Variants in UBXN7 observed in about 807,000 individuals in gnomAD.
UBXN7 encodes UBX domain-containing protein 7.
UBXN7 carries 9 observed loss-of-function variants against 58.0 expected under a neutral mutation model. That is an observed-to-expected ratio of 0.16 (90% CI 0.09 to 0.27). The LOEUF (loss-of-function observed/expected upper bound fraction) is 0.27, where lower values mean the gene tolerates loss of function less well. Ranked by LOEUF, UBXN7 falls within the 10% of genes least tolerant of loss-of-function variation. The probability of loss-of-function intolerance (pLI) is 1.00; values close to 1 mark genes in which losing one functional copy is unlikely to be tolerated. For synonymous variants in UBXN7, 208 were observed against 205.0 expected (o/e 1.01, Z -0.12); for missense variants, 328 against 599.6 (o/e 0.55, Z 4.73).
intron 5 of UBXN7, among the ~76,000 whole-genome samples, chr3:196,387,136 C>G (rs1729430554): frequency 1.3e-5 from 2 of 152,158 alleles, no homozygotes; most frequent in Admixed American, 1.3e-4. Context: ...TAACACCACA[C>G]ATCTACAACC....
In UBXN7 at chr3:196,352,978, T is replaced by A. The variant is rs1486706447; in HGVS notation, c.*3707A>T. The A allele has an allele frequency of 6.6e-6, 1 of 152,236 alleles. No homozygotes were observed. Among genetic ancestry groups the A allele is most frequent in the Non-Finnish European group, 1.5e-5 (1 of 68,030 alleles). 9.4% of individuals were successfully genotyped at this position (152,236 alleles called of 1,614,324 possible). On this transcript the variant is annotated 3_prime_UTR_variant, in exon 11 of 11. Coordinates refer to ENST00000296328, the MANE Select transcript of UBXN7 (RefSeq NM_015562.2). This position sits in a 1 kb window ranked among gnomAD's most constrained non-coding sequence, Gnocchi z 4.1. ...AAATAATGCCACGTGGCAATTTTAC[T>A]TTCACATCTTCACCAGTGCATCATT...
At chr3:196,370,389 C>G (rs1390838595) in intron 6 of UBXN7, among the ~76,000 whole-genome samples, 1 of 150,280 alleles carries the variant, frequency 6.7e-6, no homozygotes, top group Non-Finnish European at 1.5e-5. Context: ...GGGGTTAGAG[C>G]CTGCAGTGAG....
chr3:196,417,095 C>CCT (rs1730512374), intron 1 of UBXN7, among the ~76,000 whole-genome samples: 1 of 152,144 alleles, frequency 6.6e-6, no homozygotes, highest in Non-Finnish European at 1.5e-5. Context: ...GGGCGGATCA[C>CCT]AAGGTCAGGA....
At chr3:196,407,699 G>T (rs536068799) in intron 1 of UBXN7, among the ~76,000 whole-genome samples, 1 of 151,922 alleles carries the variant, frequency 6.6e-6, no homozygotes, top group Non-Finnish European at 1.5e-5. Context: ...ATATATTTGG[G>T]AATAAGCTGA....
At chr3:196,401,304 C>T (rs1173542183) in intron 3 of UBXN7, among the ~76,000 whole-genome samples, 63 of 95,852 alleles carry the variant, frequency 6.6e-4, no homozygotes, top group East Asian at 5.7e-3. Context: ...TATATACACA[C>T]ACACACACAC....
intron 1 of UBXN7, among the ~76,000 whole-genome samples, chr3:196,418,652 TAGGG>T (rs1254026117): frequency 1.3e-5 from 2 of 152,160 alleles, no homozygotes; most frequent in Non-Finnish European, 2.9e-5. Flanking sequence ...TGAGAGGTGA[TAGGG>T]AGGCAGTAGA....
chr3:196,365,850 A>T (rs1423003644), intron 8 of UBXN7, among the ~76,000 whole-genome samples: 2 of 152,198 alleles, frequency 1.3e-5, no homozygotes, highest in Non-Finnish European at 2.9e-5. Flanking sequence ...TCCACCAAAA[A>T]AAAACTCTAG....
rs147560045 is a variant in UBXN7 at position 196,415,653 on chromosome 3, G to A, written c.74-8260C>T. 3.4e-3 allele frequency among the ~76,000 whole-genome samples: 513 copies of A among 151,728 alleles called. 2 individuals are homozygous for A. The highest frequency in any genetic ancestry group is 0.012 in the African/African-American group (497 of 41,418). ...AAAAATTAGCTGGGCATGGTGGCGC[G>A]TGCCTGTAATCCCAACTACTCGGGA... is the stretch of plus-strand genomic sequence containing the variant. On this transcript the variant is annotated intron_variant, in intron 1 of 10. Transcript: ENST00000296328.
intron 2 of UBXN7, among the ~76,000 whole-genome samples, chr3:196,403,243 C>T (rs2108852861): frequency 6.6e-6 from 1 of 152,230 alleles, no homozygotes; most frequent in South Asian, 2.1e-4. Flanking sequence ...CTGCAACCTC[C>T]ACCTCCCGAG....
intron 2 of UBXN7, among the ~76,000 whole-genome samples, chr3:196,403,579 C>T (rs1278230106): frequency 6.6e-6 from 1 of 152,018 alleles, no homozygotes; most frequent in Non-Finnish European, 1.5e-5. Flanking sequence ...AAGTTTCCTA[C>T]CTTAAATTCT....
intron 5 of UBXN7, among the ~76,000 whole-genome samples, chr3:196,376,566 A>G (rs1729033082): frequency 6.7e-6 from 1 of 149,732 alleles, no homozygotes; most frequent in Non-Finnish European, 1.5e-5. Flanking sequence ...AAAAAAAAAA[A>G]AAGAAAAGAA....
intron 2 of UBXN7, among the ~76,000 whole-genome samples, chr3:196,404,261 G>GTTTTT (rs869218456): frequency 7.7e-6 from 1 of 129,388 alleles, no homozygotes; most frequent in Non-Finnish European, 1.6e-5. Flanking sequence ...AGCCCTAATG[G>GTTTTT]TTTTTTTTTT....
chr3:196,417,547 T>G (rs1289358136), intron 1 of UBXN7, among the ~76,000 whole-genome samples: 3 of 151,950 alleles, frequency 2.0e-5, no homozygotes, highest in Admixed American at 2.0e-4. Context: ...CTAATTTCTC[T>G]AGGCATCAGT....
At chr3:196,390,468 G>A (rs945102342) in intron 5 of UBXN7, among the ~76,000 whole-genome samples, 9 of 152,100 alleles carry the variant, frequency 5.9e-5, no homozygotes, top group Non-Finnish European at 1.0e-4. Context: ...AAGGCTGGGC[G>A]CGGTGGCTCA....
intron 5 of UBXN7, among the ~76,000 whole-genome samples, chr3:196,381,047 C>G (rs1311622511): frequency 6.6e-6 from 1 of 152,252 alleles, no homozygotes. Context: ...CCTCTGTGGG[C>G]AGGGCATAGC....
chr3:196,386,181 T>C (rs1306723215), intron 5 of UBXN7, among the ~76,000 whole-genome samples: 3 of 151,710 alleles, frequency 2.0e-5, no homozygotes, highest in Admixed American at 6.6e-5. Flanking sequence ...GAAGGCAGCA[T>C]ACTCGTTAAG....
Position 196,362,415 on chromosome 3 carries a change from T to C in UBXN7, c.1107A>G (p.Pro369=). The change falls in exon 9 of 11, where the codon CCA becomes CCG. Residue 369 remains proline, a synonymous_variant. Coordinates refer to ENST00000296328, the MANE Select transcript of UBXN7 (RefSeq NM_015562.2). The stretch of plus-strand genomic sequence containing the variant: ...CTGTTCCAGGATCAGTTCTGACTGG[T>C]GGCTCAGTCAGCGGCCTTCTATTCT... The part of the protein sequence containing the change: ...KEENRRPLTE[P]PVRTDPGTAT... 6.2e-7 allele frequency: 1 copy of C among 1,614,206 alleles called. No homozygotes were observed. Among genetic ancestry groups the C allele is most frequent in the Admixed American group, 1.7e-5 (1 of 60,024 alleles).
chr3:196,427,617 C>T (rs1354337275), intron 1 of UBXN7, among the ~76,000 whole-genome samples: 3 of 152,226 alleles, frequency 2.0e-5, no homozygotes, highest in East Asian at 1.9e-4. Flanking sequence ...CCGCACCTGG[C>T]TTCAAAACAT....
At chr3:196,421,943 A>C (rs1730700943) in intron 1 of UBXN7, among the ~76,000 whole-genome samples, 1 of 152,190 alleles carries the variant, frequency 6.6e-6, no homozygotes, top group Non-Finnish European at 1.5e-5. Context: ...TCACGCCTGT[A>C]ATCCCAACAC....
Sources: allele counts gnomAD v4.1 joint callset (sites outside exome capture counted in the v4.1 genomes callset), GRCh38; gene constraint gnomAD v4.1.1; non-coding constraint Gnocchi (gnomAD v3.1); transcripts MANE v1.5; gene names NCBI Gene and HGNC (gene_info 2026-07-23, HGNC 2026-07-21).